Variants in TEC observed in about 807,000 individuals in gnomAD.
TEC encodes tec protein tyrosine kinase, also known as tyrosine-protein kinase Tec.
TEC carries 72 observed loss-of-function variants against 93.0 expected under a neutral mutation model. The ratio of observed to expected loss-of-function variants is 0.77; its 90% CI spans 0.64 to 0.94. The LOEUF (loss-of-function observed/expected upper bound fraction) is 0.94, where lower values mean the gene tolerates loss of function less well. Among genes scored for constraint, TEC ranks in the 40% least tolerant of loss-of-function variants. TEC has a pLI of 0.00. For missense variants in TEC, 630 were observed against 757.9 expected, an observed-to-expected ratio of 0.83 and a Z score of 1.98; for synonymous variants, 249 against 247.7, an observed-to-expected ratio of 1.01 and a Z score of -0.05.
chr4:48,261,359 C>T (rs1390433163), intron 1 of TEC, among the ~76,000 whole-genome samples: 1 of 152,186 alleles, frequency 6.6e-6, no homozygotes, highest in African/African-American at 2.4e-5. Context: ...AATCAACTGC[C>T]TTCTACAAAT....
intron 4 of TEC, among the ~76,000 whole-genome samples, chr4:48,171,018 T>C (rs1376606542): frequency 6.6e-6 from 1 of 151,946 alleles, no homozygotes; most frequent in Non-Finnish European, 1.5e-5. Context: ...ACCACTGCAC[T>C]CCAGCCTGGG....
Position 48,163,748 on chromosome 4 carries a change from T to C in TEC, c.691A>G (p.Ser231Gly). ...GATTTCTTTCCCGTTACGTAATTACTTGGGATATATCCTTCATTCCTAGAA... is the reference window on the plus strand; with the variant it reads ...GATTTCTTTCCCGTTACGTAATTACCTGGGATATATCCTTCATTCCTAGAA... Reference protein sequence around the residue: ...DKYGNEGYIPSNYVTGKKSNN... With the variant: ...DKYGNEGYIPGNYVTGKKSNN... The change falls in exon 8 of 18, where the codon AGT becomes GGT. Residue 231 changes from serine (S) to glycine (G), a missense_variant. Around this residue, in one of 3 missense-constraint regions of TEC, gnomAD observed 335 missense variants for 351.5 expected, o/e 0.95. Coordinates refer to ENST00000381501, the MANE Select transcript of TEC (RefSeq NM_003215.3). The C allele has an allele frequency of 2.0e-6, 3 of 1,498,068 alleles. No homozygotes were observed. Among genetic ancestry groups the C allele is most frequent in the Non-Finnish European group, 2.7e-6 (3 of 1,098,722 alleles). The allele number at this position is 1,498,068 out of a possible 1,614,324, so 92.8% of individuals were successfully genotyped here.
At chr4:48,218,766 C>T (rs1475264774) in intron 2 of TEC, among the ~76,000 whole-genome samples, 2 of 152,124 alleles carry the variant, frequency 1.3e-5, no homozygotes. Context: ...CCAATATGAC[C>T]CAGGAGAGCC....
At chr4:48,159,590 T>C (rs1028842198) in intron 8 of TEC, among the ~76,000 whole-genome samples, 2 of 148,124 alleles carry the variant, frequency 1.4e-5, no homozygotes, top group African/African-American at 5.1e-5. Context: ...GGTTTCACAC[T>C]TGTTGTCCAG....
intron 2 of TEC, among the ~76,000 whole-genome samples, chr4:48,199,294 A>G (rs1049802759): frequency 1.3e-5 from 2 of 152,110 alleles, no homozygotes; most frequent in Non-Finnish European, 2.9e-5. Context: ...TTAAATCTGT[A>G]TCTCTAAACT....
chr4:48,156,615 T>C (rs1422941747), intron 9 of TEC, 65 bp downstream of exon 9: 8 of 1,389,652 alleles, frequency 5.8e-6, no homozygotes, highest in Non-Finnish European at 7.0e-6. Flanking sequence ...TATGTGGAAC[T>C]ACTTATTATG....
intron 1 of TEC, among the ~76,000 whole-genome samples, chr4:48,234,063 C>T (rs559449843): frequency 6.6e-6 from 1 of 152,060 alleles, no homozygotes; most frequent in Non-Finnish European, 1.5e-5. Flanking sequence ...ATTAAGCAAG[C>T]TTAAATGTAA....
chr4:48,198,935 T>C (rs1022640066), intron 2 of TEC, among the ~76,000 whole-genome samples: 2 of 152,216 alleles, frequency 1.3e-5, no homozygotes, highest in Non-Finnish European at 2.9e-5. Flanking sequence ...ATGTTTTCCA[T>C]TGTCTCTGTT....
At chr4:48,158,798 G>A (rs999466196) in intron 8 of TEC, among the ~76,000 whole-genome samples, 16 of 152,130 alleles carry the variant, frequency 1.1e-4, no homozygotes, top group Admixed American at 2.6e-4. Flanking sequence ...CTCAGAAGGA[G>A]GAGGAAAGAA....
In TEC at chr4:48,156,591, T is replaced by C; in HGVS notation, c.792+89A>G. ...ATAGACTTGCTCACTGCTGAACACATTTAGAAAGAGAGATATGTGGAACTA... is the reference window on the plus strand; with the variant it reads ...ATAGACTTGCTCACTGCTGAACACACTTAGAAAGAGAGATATGTGGAACTA... On this transcript the variant is annotated intron_variant, in intron 9 of 17. Coordinates refer to ENST00000381501, the MANE Select transcript of TEC (RefSeq NM_003215.3). 3.3e-6 allele frequency: 4 copies of C among 1,215,968 alleles called. No homozygotes were observed. The Admixed American group carries it at 6.8e-5, about 21-fold the overall frequency. The allele number at this position is 1,215,968 out of a possible 1,614,324, so 75.3% of individuals were successfully genotyped here.
intron 2 of TEC, among the ~76,000 whole-genome samples, chr4:48,179,831 T>A (rs1338591816): frequency 1.3e-5 from 2 of 152,274 alleles, no homozygotes; most frequent in African/African-American, 4.8e-5. Context: ...AAAATGGGAA[T>A]AATAATAGTA....
intron 1 of TEC, among the ~76,000 whole-genome samples, chr4:48,263,435 G>A (rs1383068530): frequency 6.6e-6 from 1 of 152,076 alleles, no homozygotes; most frequent in East Asian, 1.9e-4. Context: ...GGAACAATAG[G>A]CCAGGCGGTG....
intron 1 of TEC, among the ~76,000 whole-genome samples, chr4:48,249,797 A>G (rs1346675578): frequency 1.4e-5 from 2 of 146,116 alleles, no homozygotes; most frequent in Non-Finnish European, 3.0e-5. Flanking sequence ...AAGGCTGTAC[A>G]TGGCAGAGTG....
chr4:48,141,681 CTTTCT>C, intron 14 of TEC: 1 of 283,298 alleles, frequency 3.5e-6, no homozygotes. Context: ...TTTTTCTTTT[CTTTCT>C]TTTTTTTTTT....
rs10659576 is a variant in TEC at position 48,262,201 on chromosome 4, C to CTTTTTT, written c.-46+7545_-46+7550dup. On this transcript the variant is annotated intron_variant, in intron 1 of 17. Coordinates refer to ENST00000381501, the MANE Select transcript of TEC (RefSeq NM_003215.3). ...CTTGGGTAATTGTGACCAAATGTCT[C>CTTTTTT]TTTTTTTTTTTTTGAGACGGAGTCT... Among the ~76,000 whole-genome samples, 13 of 80,208 alleles carry CTTTTTT rather than the reference C, an allele frequency of 1.6e-4. 2 individuals are homozygous for CTTTTTT. The highest frequency in any genetic ancestry group is 8.6e-4 in the Admixed American group (4 of 4,648). 52.6% of individuals were successfully genotyped at this position (80,208 alleles called of 152,430 possible).
chr4:48,210,519 G>C lies in TEC; in HGVS notation c.138+17958C>G, dbSNP rs1051483839. Among the ~76,000 whole-genome samples, 20 of 144,346 alleles carry C rather than the reference G, an allele frequency of 1.4e-4. No individual in the cohort carries two copies. The South Asian group carries it at 1.9e-3, about 14-fold the overall frequency. The allele number at this position is 144,346 out of a possible 152,430, so 94.7% of individuals were successfully genotyped here. On this transcript the variant is annotated intron_variant, in intron 2 of 17. Coordinates refer to ENST00000381501, the MANE Select transcript of TEC (RefSeq NM_003215.3). Reference sequence around the variant, plus strand: ...AATGGAGGAGGAGGAGGAGGAGGATGATGAGGAGGAGGAGGAGGAAGAGGG... The same window carrying C: ...AATGGAGGAGGAGGAGGAGGAGGATCATGAGGAGGAGGAGGAGGAAGAGGG...
chr4:48,265,144 A>G (rs1043810624), intron 1 of TEC, among the ~76,000 whole-genome samples: 6 of 152,130 alleles, frequency 3.9e-5, no homozygotes, highest in African/African-American at 1.2e-4. Context: ...AGGAAAAGAC[A>G]CTGACACTAT....
chr4:48,221,495 C>A (rs1451217556), intron 2 of TEC, among the ~76,000 whole-genome samples: 1 of 152,188 alleles, frequency 6.6e-6, no homozygotes, highest in Non-Finnish European at 1.5e-5. Flanking sequence ...CTATGCTGAA[C>A]TGTGAGTCAA....
intron 2 of TEC, among the ~76,000 whole-genome samples, chr4:48,196,323 C>CT (rs1722301300): frequency 6.6e-6 from 1 of 152,218 alleles, no homozygotes; most frequent in Admixed American, 6.5e-5. Context: ...GCCCAACTGT[C>CT]TGAGTTTGAA....
Sources: gnomAD v4.1 joint callset for allele counts (sites outside exome capture counted in the v4.1 genomes callset) on GRCh38, gnomAD v4.1.1 for gene constraint, gnomAD v4.1.1 regional missense constraint, MANE v1.5 for transcripts, NCBI Gene and HGNC (gene_info 2026-07-23, HGNC 2026-07-21) for gene names.